ERC1: variants seen among roughly 807,000 people sequenced by gnomAD.
The protein encoded by ERC1 is RAB6 interacting protein 2.
ERC1 carries 56 observed loss-of-function variants against 132.0 expected under a neutral mutation model. That is an observed-to-expected ratio of 0.42 (90% CI 0.34 to 0.53). ERC1 has a LOEUF of 0.53. Among genes scored for constraint, ERC1 ranks in the 20% least tolerant of loss-of-function variants. The probability of loss-of-function intolerance (pLI) is 0.03; values close to 1 mark genes in which losing one functional copy is unlikely to be tolerated. For synonymous variants in ERC1, 478 were observed against 476.1 expected (o/e 1.00, Z -0.05); for missense variants, 1,202 against 1,349.9 (o/e 0.89, Z 1.72).
intron 15 of ERC1, among the ~76,000 whole-genome samples, chr12:1,367,951 C>CTTTTTTTT (rs59027116): frequency 4.2e-5 from 5 of 118,550 alleles, no homozygotes; most frequent in African/African-American, 9.9e-5. Flanking sequence ...CCACATTTTC[C>CTTTTTTTT]TTTTTTTTTT....
intron 12 of ERC1, among the ~76,000 whole-genome samples, chr12:1,221,153 C>T (rs1388149778): frequency 4.6e-5 from 7 of 151,900 alleles, no homozygotes; most frequent in South Asian, 4.1e-4. Context: ...GATTTTTGTC[C>T]GTTTTGTTCA....
At chr12:1,489,678 CGATACACGGCAAATG>C (rs1054634195) in intron 18 of ERC1, among the ~76,000 whole-genome samples, 16 of 152,184 alleles carry the variant, frequency 1.1e-4, no homozygotes, top group Non-Finnish European at 2.1e-4. Flanking sequence ...CGGATGAAAG[CGATACACGGCAAATG>C]GAGAAGTCCT....
intron 7 of ERC1, among the ~76,000 whole-genome samples, chr12:1,139,705 ATTT>A (rs71687756): frequency 1.4e-5 from 2 of 146,438 alleles, no homozygotes; most frequent in African/African-American, 5.0e-5. Flanking sequence ...AACAGGTATG[ATTT>A]TTTTTTTTTT....
intron 14 of ERC1, among the ~76,000 whole-genome samples, chr12:1,273,887 C>A (rs1034504814): frequency 1.3e-5 from 2 of 152,176 alleles, no homozygotes; most frequent in African/African-American, 4.8e-5. Flanking sequence ...CAAATACAAG[C>A]ATTTTCTGAT....
At chr12:1,195,307 C>A (rs1392815744) in intron 12 of ERC1, among the ~76,000 whole-genome samples, 1 of 152,128 alleles carries the variant, frequency 6.6e-6, no homozygotes, top group Non-Finnish European at 1.5e-5. Context: ...AGATCTGAGA[C>A]CTACTTTTAA....
chr12:1,461,315 C>T (rs186924529), intron 18 of ERC1, among the ~76,000 whole-genome samples: 48 of 152,246 alleles, frequency 3.2e-4, no homozygotes, highest in African/African-American at 1.1e-3. Flanking sequence ...GTGCAGCTTT[C>T]GTTTTTAAAA....
chr12:1,017,084 C>T (rs916772500), intron 1 of ERC1, among the ~76,000 whole-genome samples: 1 of 152,164 alleles, frequency 6.6e-6, no homozygotes, highest in African/African-American at 2.4e-5. Flanking sequence ...GCAGCCTCCA[C>T]ATCCTGGGTT....
At position 1,236,065 on chromosome 12, in the gene ERC1, A is replaced by G. The variant is rs182279944; in HGVS notation, c.2352-704A>G. ...TTGAATATCATTCTGTACTAAAAAG[A>G]AAAATGAATAATTATTTATCTTTAT... On this transcript the variant is annotated intron_variant, in intron 12 of 18. Coordinates refer to ENST00000360905, the MANE Select transcript of ERC1 (RefSeq NM_178040.4). Among the ~76,000 whole-genome samples the G allele has an allele frequency of 1.5e-4, 23 of 152,342 alleles. No individual in the cohort carries two copies. In the East Asian group the frequency reaches 3.8e-3, roughly 25 times the overall value.
intron 13 of ERC1, chr12:1,244,691 T>A: frequency 2.6e-6 from 1 of 378,768 alleles, no homozygotes; most frequent in Non-Finnish European, 5.3e-6. Context: ...CTGGCTAATT[T>A]TGTGTGTCTG....
intron 3 of ERC1, among the ~76,000 whole-genome samples, chr12:1,094,237 T>C (rs1943709826): frequency 6.6e-6 from 1 of 151,502 alleles, no homozygotes; most frequent in African/African-American, 2.4e-5. Context: ...CAGGCTGGTC[T>C]CAAACTCTTG....
chr12:1,209,089 C>G (rs577352016), intron 12 of ERC1, among the ~76,000 whole-genome samples: 2 of 151,242 alleles, frequency 1.3e-5, no homozygotes, highest in South Asian at 4.2e-4. Context: ...CTGTCTCAGC[C>G]TTCTGAGTAG....
chr12:1,280,197 A>G (rs1357227868), intron 14 of ERC1, among the ~76,000 whole-genome samples: 1 of 152,234 alleles, frequency 6.6e-6, no homozygotes, highest in Non-Finnish European at 1.5e-5. Flanking sequence ...GCAGTCATCC[A>G]AGATACGGCT....
intron 6 of ERC1, among the ~76,000 whole-genome samples, chr12:1,113,150 A>G (rs1324128486): frequency 6.6e-6 from 1 of 152,216 alleles, no homozygotes; most frequent in African/African-American, 2.4e-5. Flanking sequence ...CATAGGTTAT[A>G]TGCAAATTCT....
At chr12:1,313,656 T>A (rs1043315737) in intron 15 of ERC1, among the ~76,000 whole-genome samples, 20 of 152,048 alleles carry the variant, frequency 1.3e-4, no homozygotes, top group African/African-American at 4.6e-4. Flanking sequence ...TCCTATGACG[T>A]TTCAGTATTT....
At chr12:1,084,724 C>T (rs1331635247) in intron 3 of ERC1, among the ~76,000 whole-genome samples, 1 of 151,622 alleles carries the variant, frequency 6.6e-6, no homozygotes, top group Admixed American at 6.6e-5. Context: ...TAGGGTCTCA[C>T]TCTGTCACTC....
intron 3 of ERC1, among the ~76,000 whole-genome samples, chr12:1,096,219 C>T (rs1233903089): frequency 6.6e-6 from 1 of 152,196 alleles, no homozygotes; most frequent in Non-Finnish European, 1.5e-5. Flanking sequence ...TGAGCCACTG[C>T]ACCCAGTCAG....
intron 17 of ERC1, among the ~76,000 whole-genome samples, chr12:1,409,055 G>A (rs934480117): frequency 1.3e-5 from 2 of 152,142 alleles, no homozygotes; most frequent in Admixed American, 6.5e-5. Context: ...CCTGCTAAAC[G>A]TCTCCACTAA....
intron 1 of ERC1, among the ~76,000 whole-genome samples, chr12:996,438 C>T (rs987417004): frequency 6.6e-6 from 1 of 151,696 alleles, no homozygotes; most frequent in Non-Finnish European, 1.5e-5. Flanking sequence ...ATATTTCAGC[C>T]AGGCACAGTG....
At chr12:1,429,330 G>C (rs1490310329) in intron 17 of ERC1, among the ~76,000 whole-genome samples, 1 of 151,932 alleles carries the variant, frequency 6.6e-6, no homozygotes, top group East Asian at 1.9e-4. Flanking sequence ...TTTGTTGTTG[G>C]GTCACTATTT....
Sources: gnomAD v4.1 joint callset for allele counts (sites outside exome capture counted in the v4.1 genomes callset) on GRCh38, gnomAD v4.1.1 for gene constraint, MANE v1.5 for transcripts, NCBI Gene and HGNC (gene_info 2026-07-23, HGNC 2026-07-21) for gene names.